Variants in CP observed in about 807,000 individuals in gnomAD.
The protein encoded by CP is caeruloplasmin.
A neutral mutation model predicts 122.4 loss-of-function variants in CP; 64 were observed. The observed-to-expected ratio is 0.52, with a 90% CI of 0.43 to 0.64. The LOEUF (loss-of-function observed/expected upper bound fraction) is 0.64, where lower values mean the gene tolerates loss of function less well. CP is among the 30% of genes least tolerant of loss of function. CP has a pLI of 0.00. For synonymous variants in CP, 440 were observed against 436.4 expected (o/e 1.01, Z -0.10); for missense variants, 1,167 against 1,284.4 (o/e 0.91, Z 1.40).
At chr3:149,200,079 T>C in intron 7 of CP, 1 of 562,148 alleles carries the variant, frequency 1.8e-6, no homozygotes, top group Non-Finnish European at 3.2e-6. Flanking sequence ...AACTTCAGAT[T>C]AATGAAATTG....
At chr3:149,162,603 A>C (rs536073694) in exon 6 of CP, 2 of 1,366,434 alleles carry the variant, frequency 1.5e-6, no homozygotes, top group East Asian at 2.3e-5. Flanking sequence ...TGCGTGGCCC[A>C]TGTGATGCTG....
chr3:149,220,999 T>C (rs1404093312), intron 1 of CP, among the ~76,000 whole-genome samples: 1 of 152,192 alleles, frequency 6.6e-6, no homozygotes, highest in Admixed American at 6.5e-5. Flanking sequence ...GACATTTAAG[T>C]TACATGGAGC....
intron 6 of CP, among the ~76,000 whole-genome samples, chr3:149,204,534 G>A (rs982917126): frequency 1.3e-5 from 2 of 152,222 alleles, no homozygotes; most frequent in Admixed American, 1.3e-4. Context: ...TGGAGACGCA[G>A]CGTTGGGAGT....
chr3:149,166,000 CT>C lies in CP; in HGVS notation c.636del (p.Val213SerfsTer3), dbSNP rs1375580154. ...ATTTGGAATAAAATAATCACACTGA[CT>C]GTGATTGGGTAGATCACATTCCATA... On this transcript the variant is annotated frameshift_variant, in exon 5 of 6. Transcript: ENST00000479771. LOFTEE classifies it high-confidence loss of function. 2.2e-6 allele frequency: 1 copy of C among 456,268 alleles called. No homozygotes were observed. 28.3% of individuals were successfully genotyped at this position (456,268 alleles called of 1,614,324 possible). A position where few individuals can be genotyped will look rare whatever the true frequency, so the allele number is the denominator to read the frequency against.
At chr3:149,220,882 G>C (rs1433089254) in intron 1 of CP, among the ~76,000 whole-genome samples, 1 of 152,102 alleles carries the variant, frequency 6.6e-6, no homozygotes, top group Admixed American at 6.6e-5. Context: ...GAAGACCTCA[G>C]TATAGATAAA....
intron 3 of CP, among the ~76,000 whole-genome samples, 194 bp downstream of exon 3, chr3:149,209,973 C>A (rs537448143): frequency 1.3e-5 from 2 of 152,074 alleles, no homozygotes; most frequent in African/African-American, 4.8e-5. Context: ...GCATTTTCCC[C>A]GTAGGAATGC....
chr3:149,202,754 C>A (rs1559953013), intron 6 of CP, among the ~76,000 whole-genome samples: 1 of 150,800 alleles, frequency 6.6e-6, no homozygotes, highest in East Asian at 1.9e-4. Flanking sequence ...ACTACAGGCG[C>A]CTGCCACCAT....
intron 14 of CP, 31 bp downstream of exon 14, chr3:149,181,974 G>GCGGGCC: frequency 7.4e-7 from 1 of 1,356,690 alleles, no homozygotes; most frequent in Non-Finnish European, 1.0e-6. Flanking sequence ...CTGTTAAAAT[G>GCGGGCC]CACCACCCCC....
At chr3:149,206,127 G>A in intron 6 of CP, 41 bp downstream of exon 6, 1 of 1,585,420 alleles carries the variant, frequency 6.3e-7, no homozygotes, top group South Asian at 1.1e-5. Flanking sequence ...TTGTGCGGGG[G>A]AGAGCATATT....
At position 149,183,514 on chromosome 3, in the gene CP, G is replaced by A. The variant is rs771846589; in HGVS notation, c.2377C>T (p.Arg793Cys). 8.7e-6 allele frequency: 14 copies of A among 1,611,136 alleles called. No individual in the cohort carries two copies. The highest frequency in any genetic ancestry group is 6.7e-5 in the East Asian group (3 of 44,802). Residue 793 changes from arginine (R) to cysteine (C), a missense_variant, in exon 13 of 19, where the codon CGT (arginine) becomes TGT (cysteine). By Grantham distance (180) the Arg-to-Cys change is radical (BLOSUM62 -3). Transcript: ENST00000264613. ...TCAGCTTTTCTCTCCACTGGAACACGGAATGTGCTATCAGTATACTGCCGA... is the reference window on the plus strand; with the variant it reads ...TCAGCTTTTCTCTCCACTGGAACACAGAATGTGCTATCAGTATACTGCCGA... ...VYRQYTDSTF[R>C]VPVERKAEEE...
chr3:149,190,384 G>A (rs947979478), intron 9 of CP, among the ~76,000 whole-genome samples: 1 of 152,138 alleles, frequency 6.6e-6, no homozygotes, highest in African/African-American at 2.4e-5. Context: ...CAGGCTGGGT[G>A]CGGTGGCTCA....
chr3:149,182,131 G>C lies in CP; in HGVS notation c.2428C>G (p.Pro810Ala). 6.2e-7 allele frequency: 1 copy of C among 1,614,060 alleles called. No individual in the cohort carries two copies. Among genetic ancestry groups the C allele is most frequent in the Non-Finnish European group, 8.5e-7 (1 of 1,179,984 alleles). The change falls in exon 14 of 19, where the codon CCA becomes GCA. Residue 810 changes from proline to alanine, a missense_variant and splice_region_variant. By Grantham distance (27) the Pro-to-Ala change is conservative. This residue lies in a region of CP where 525 missense variants were observed against 657.2 expected (regional missense o/e 0.80). Transcript: ENST00000264613. Reference sequence around the variant, plus strand: ...TCTCCAACATCTGCATGAAGTTGTGGACCTGGCAAAAGTGAAGAGGAAGAG... The same window carrying C: ...TCTCCAACATCTGCATGAAGTTGTGCACCTGGCAAAAGTGAAGAGGAAGAG... Reference protein sequence around the residue: ...AEEEHLGILGPQLHADVGDKV... With the variant: ...AEEEHLGILGAQLHADVGDKV...
chr3:149,188,490 C>CAAAAAAAAAAAAAAAAAA (rs60815739), intron 9 of CP, among the ~76,000 whole-genome samples: 4 of 46,102 alleles, frequency 8.7e-5, no homozygotes, highest in Non-Finnish European at 1.8e-4. Context: ...TTGAAGCCTC[C>CAAAAAAAAAAAAAAAAAA]AAAAAAAAAA....
chr3:149,195,640 G>T (rs115403259), intron 9 of CP, among the ~76,000 whole-genome samples: 1 of 152,114 alleles, frequency 6.6e-6, no homozygotes, highest in African/African-American at 2.4e-5. Context: ...AGAGGCAGGC[G>T]GATCACGAGG....
chr3:149,174,638 A>G (rs1028413539), intron 18 of CP, among the ~76,000 whole-genome samples: 1 of 152,212 alleles, frequency 6.6e-6, no homozygotes, highest in African/African-American at 2.4e-5. Flanking sequence ...TTAGCTAGAA[A>G]TACAGAATAT....
Position 149,199,960 on chromosome 3 carries a change from C to A in CP, c.1349-96G>T, listed in dbSNP as rs182375737. 2.0e-4 allele frequency: 252 copies of A among 1,268,244 alleles called. 3 individuals are homozygous for A. The Middle Eastern group carries it at 2.7e-3, about 14-fold the overall frequency. 78.6% of individuals were successfully genotyped at this position (1,268,244 alleles called of 1,614,324 possible). ...CTTTGACTGTGTTCTCTGGCAAGAACTACTAGGAGCAACACGCTTATTTGT... is the reference window on the plus strand; with the variant it reads ...CTTTGACTGTGTTCTCTGGCAAGAAATACTAGGAGCAACACGCTTATTTGT... On this transcript the variant is annotated intron_variant, in intron 7 of 18. Transcript: ENST00000264613.
chr3:149,213,644 G>A (rs1405909601), intron 1 of CP, among the ~76,000 whole-genome samples: 2 of 125,230 alleles, frequency 1.6e-5, no homozygotes, highest in Non-Finnish European at 1.8e-5. Flanking sequence ...GTGTGTGTGT[G>A]TGTGTGTGTG....
At chr3:149,198,075 A>G (rs1238713643) in intron 9 of CP, among the ~76,000 whole-genome samples, 1 of 152,214 alleles carries the variant, frequency 6.6e-6, no homozygotes. Flanking sequence ...AAACATATAA[A>G]TTGATTGTAA....
intron 14 of CP, chr3:149,179,952 T>C: frequency 2.9e-6 from 1 of 349,626 alleles, no homozygotes; most frequent in South Asian, 3.0e-5. Flanking sequence ...AATATTACAA[T>C]TTGAAAAAAC....
Sources: allele counts gnomAD v4.1 joint callset (sites outside exome capture counted in the v4.1 genomes callset), GRCh38; gene constraint gnomAD v4.1.1; regional missense constraint gnomAD v4.1.1; transcripts MANE v1.5; gene names NCBI Gene and HGNC (gene_info 2026-07-23, HGNC 2026-07-21).